The following AK5 variants were observed in gnomAD, a reference collection of about 807,000 sequenced individuals.
AK5 encodes the protein adenylate kinase isoenzyme 5.
AK5 carries 27 observed loss-of-function variants against 69.5 expected under a neutral mutation model. That is an observed-to-expected ratio of 0.39 (90% CI 0.29 to 0.54). The LOEUF (loss-of-function observed/expected upper bound fraction) is 0.54, where lower values mean the gene tolerates loss of function less well. Ranked by LOEUF, AK5 falls within the 20% of genes least tolerant of loss-of-function variation. The probability of loss-of-function intolerance (pLI) is 0.71; values close to 1 mark genes in which losing one functional copy is unlikely to be tolerated. For synonymous variants in AK5, 260 were observed against 244.4 expected (o/e 1.06, Z -0.60); for missense variants, 531 against 700.4 (o/e 0.76, Z 2.73).
chr1:77,383,336 A>G (rs1401532061), intron 6 of AK5, among the ~76,000 whole-genome samples: 1 of 152,202 alleles, frequency 6.6e-6, no homozygotes, highest in Non-Finnish European at 1.5e-5. Flanking sequence ...TGCCACTGTG[A>G]GAAGTCATAA....
chr1:77,407,050 A>G (rs1287246277), intron 6 of AK5, among the ~76,000 whole-genome samples: 1 of 147,508 alleles, frequency 6.8e-6, no homozygotes, highest in African/African-American at 2.5e-5. Context: ...AGGCATGCAA[A>G]GAAACAGGAA....
intron 1 of AK5, chr1:77,283,689 T>G: frequency 1.2e-6 from 1 of 865,498 alleles, no homozygotes; most frequent in Non-Finnish European, 1.4e-6. Context: ...TGAAAATAAT[T>G]AGGTGGTGTT....
chr1:77,298,227 AT>A (rs369969910), intron 5 of AK5, among the ~76,000 whole-genome samples: 7,562 of 151,634 alleles, frequency 0.05, 231 homozygotes, highest in South Asian at 0.094. Context: ...TTTTCATACA[AT>A]TTTTTTTTAT....
chr1:77,301,657 T>C (rs993193602), intron 5 of AK5, among the ~76,000 whole-genome samples: 4 of 152,194 alleles, frequency 2.6e-5, no homozygotes, highest in Non-Finnish European at 5.9e-5. Context: ...GTTTTCTTCA[T>C]CAGGTCTAGC....
At chr1:77,428,253 A>T (rs1049350141) in intron 8 of AK5, among the ~76,000 whole-genome samples, 1 of 152,232 alleles carries the variant, frequency 6.6e-6, no homozygotes, top group Non-Finnish European at 1.5e-5. Flanking sequence ...ATGACACCAG[A>T]TTGACAAAGG....
intron 6 of AK5, among the ~76,000 whole-genome samples, chr1:77,365,928 G>A (rs1646942146): frequency 6.6e-6 from 1 of 152,088 alleles, no homozygotes; most frequent in Non-Finnish European, 1.5e-5. Flanking sequence ...TATAATTCAT[G>A]TTTCTTTTCA....
At chr1:77,310,316 T>G (rs1433149737) in intron 5 of AK5, among the ~76,000 whole-genome samples, 1 of 152,128 alleles carries the variant, frequency 6.6e-6, no homozygotes, top group Non-Finnish European at 1.5e-5. Flanking sequence ...TGGTTCCAGT[T>G]GAAGAAATCT....
At chr1:77,435,839 G>A (rs1651925445) in intron 8 of AK5, among the ~76,000 whole-genome samples, 2 of 152,238 alleles carry the variant, frequency 1.3e-5, no homozygotes, top group East Asian at 1.9e-4. Flanking sequence ...ACTAAGTTAT[G>A]TATATAATCC....
intron 7 of AK5, among the ~76,000 whole-genome samples, chr1:77,413,464 G>C (rs1650182608): frequency 6.6e-6 from 1 of 152,110 alleles, no homozygotes; most frequent in South Asian, 2.1e-4. Flanking sequence ...TTTTCTTAGA[G>C]ACTACCATTG....
chr1:77,558,712 T>C lies in AK5; in HGVS notation c.*42T>C. 7.3e-7 allele frequency: 1 copy of C among 1,362,572 alleles called. No individual in the cohort carries two copies. The highest frequency in any genetic ancestry group is 1.0e-6 in the Non-Finnish European group (1 of 955,022). 84.4% of individuals were successfully genotyped at this position (1,362,572 alleles called of 1,614,324 possible). ...TTGTTAGAATGGAAACAGAAAAACA[T>C]TAAAAAGTTCATTCCTTAACACAAT... is the stretch of plus-strand genomic sequence containing the variant. On this transcript the variant is annotated 3_prime_UTR_variant, in exon 14 of 14. Coordinates refer to ENST00000354567, the MANE Select transcript of AK5 (RefSeq NM_174858.3).
chr1:77,297,201 T>G (rs889650813), intron 3 of AK5, among the ~76,000 whole-genome samples: 4 of 152,230 alleles, frequency 2.6e-5, no homozygotes, highest in African/African-American at 4.8e-5. Flanking sequence ...CATTGTTTTT[T>G]ATATTCCACA....
At chr1:77,318,644 G>A (rs769835307) in intron 5 of AK5, among the ~76,000 whole-genome samples, 9 of 151,846 alleles carry the variant, frequency 5.9e-5, no homozygotes, top group African/African-American at 1.2e-4. Context: ...AGCAGGACCC[G>A]GCTTGTTTTA....
chr1:77,318,064 A>G (rs1660331093), intron 5 of AK5, among the ~76,000 whole-genome samples: 1 of 152,226 alleles, frequency 6.6e-6, no homozygotes, highest in Non-Finnish European at 1.5e-5. Flanking sequence ...ATCCATCATT[A>G]TCCCAATTGT....
intron 13 of AK5, among the ~76,000 whole-genome samples, chr1:77,556,683 A>T (rs1488933428): frequency 1.3e-5 from 2 of 152,196 alleles, no homozygotes; most frequent in African/African-American, 4.8e-5. Flanking sequence ...GAAGCAGTGA[A>T]AGCCCTAGGG....
At chr1:77,421,923 C>T (rs1169158693) in intron 8 of AK5, among the ~76,000 whole-genome samples, 3 of 152,168 alleles carry the variant, frequency 2.0e-5, no homozygotes, top group African/African-American at 4.8e-5. Flanking sequence ...CTTAAGGCTT[C>T]CTGGTGAGCT....
intron 6 of AK5, among the ~76,000 whole-genome samples, chr1:77,396,090 T>G (rs917518456): frequency 6.6e-6 from 1 of 152,222 alleles, no homozygotes; most frequent in Non-Finnish European, 1.5e-5. Context: ...TGGCAGGTAA[T>G]CTCTTTTTCT....
At chr1:77,368,241 A>ATATATGT (rs1553140309) in intron 6 of AK5, among the ~76,000 whole-genome samples, 1,244 of 23,274 alleles carry the variant, frequency 0.053, 90 homozygotes, top group Non-Finnish European at 0.098. Context: ...ATATATATAT[A>ATATATGT]TATATATATA....
chr1:77,376,453 A>AC lies in AK5; in HGVS notation c.892-34528_892-34527insC, dbSNP rs1006069631. ...AATGCCAAAAAAAAAAAAAAAAACA[A>AC]AAAAAAAAAACATGTCTTACTTTTT... On this transcript the variant is annotated intron_variant, in intron 6 of 13. Coordinates refer to ENST00000354567, the MANE Select transcript of AK5 (RefSeq NM_174858.3). 1.5e-4 allele frequency among the ~76,000 whole-genome samples: 21 copies of AC among 143,832 alleles called. No individual in the cohort carries two copies. The East Asian group carries it at 3.6e-3, about 24-fold the overall frequency. 94.4% of individuals were successfully genotyped at this position (143,832 alleles called of 152,430 possible).
intron 13 of AK5, among the ~76,000 whole-genome samples, chr1:77,540,873 T>A (rs1160318930): frequency 6.6e-6 from 1 of 151,718 alleles, no homozygotes; most frequent in African/African-American, 2.4e-5. Flanking sequence ...CCAAGGAGAG[T>A]GTGGGTCACT....
Sources: gnomAD v4.1 joint callset for allele counts (sites outside exome capture counted in the v4.1 genomes callset) on GRCh38, gnomAD v4.1.1 for gene constraint, MANE v1.5 for transcripts, NCBI Gene and HGNC (gene_info 2026-07-23, HGNC 2026-07-21) for gene names.